COL9A2: variants seen among roughly 807,000 people sequenced by gnomAD.
COL9A2 encodes the protein collagen type IX alpha 2 chain, also known as collagen alpha-2(IX) chain.
A neutral mutation model predicts 111.6 loss-of-function variants in COL9A2; 66 were observed. The ratio of observed to expected loss-of-function variants is 0.59; its 90% confidence interval spans 0.48 to 0.73. COL9A2 has a LOEUF of 0.73. Ranked by LOEUF, COL9A2 falls within the 30% of genes least tolerant of loss-of-function variation. The pLI is 0.00. For synonymous variants in COL9A2, 353 were observed against 364.1 expected (o/e 0.97, Z 0.35); for missense variants, 881 against 954.1 (o/e 0.92, Z 1.01).
In COL9A2 at chr1:40,316,834, C is replaced by T; in HGVS notation, c.75+289G>A. The T allele has an allele frequency of 1.9e-6, 1 of 537,036 alleles. No homozygotes were observed. Among genetic ancestry groups the T allele is most frequent in the Non-Finnish European group, 3.4e-6 (1 of 296,946 alleles). 33.3% of individuals were successfully genotyped at this position (537,036 alleles called of 1,614,324 possible). Reference sequence around the variant, plus strand: ...TGTATGCCCCGCCACCTGGGCTCCCCGGGCTGCCAGGACCGGGCGCCAGCT... The same window carrying T: ...TGTATGCCCCGCCACCTGGGCTCCCTGGGCTGCCAGGACCGGGCGCCAGCT... On this transcript the variant is annotated intron_variant, in intron 1 of 31. Coordinates refer to ENST00000372748, the MANE Select transcript of COL9A2 (RefSeq NM_001852.4). This position sits in a 1 kb window ranked among gnomAD's most constrained non-coding sequence, Gnocchi z 5.5.
chr1:40,312,207 T>C lies in COL9A2; in HGVS notation c.364-95A>G. 8.5e-7 allele frequency: 1 copy of C among 1,178,566 alleles called. No homozygotes were observed. The highest frequency in any genetic ancestry group is 1.2e-6 in the Non-Finnish European group (1 of 835,342). 73.0% of individuals were successfully genotyped at this position (1,178,566 alleles called of 1,614,324 possible). On this transcript the variant is annotated intron_variant, in intron 7 of 31. Transcript: ENST00000372748. The surrounding 1 kb of genome is among the most constrained non-coding windows in gnomAD (Gnocchi z 6.0). ...AGGCACCCAAAGCCCGTTTCTCCAC[T>C]TTTACTTTTTTTTTTTTTTTGCCAA... is the stretch of plus-strand genomic sequence containing the variant.
chr1:40,301,150 G>C lies in COL9A2; in HGVS notation c.*32C>G. The C allele has an allele frequency of 6.2e-7, 1 of 1,610,994 alleles. No individual in the cohort carries two copies. The highest frequency in any genetic ancestry group is 1.7e-5 in the Admixed American group (1 of 60,002). On this transcript the variant is annotated 3_prime_UTR_variant, in exon 32 of 32. Coordinates refer to ENST00000372748, the MANE Select transcript of COL9A2 (RefSeq NM_001852.4). ...GAGGGGACCTGGTCCTTCCCGCCAG[G>C]ATGCCTGCCAGGCTCTGTCTGGGCC... is the stretch of plus-strand genomic sequence containing the variant.
Position 40,312,747 on chromosome 1 carries a change from C to G in COL9A2, c.287G>C (p.Gly96Ala). Residue 96 changes from glycine (G) to alanine (A), a missense_variant, in exon 5 of 32, where the codon GGG (glycine) becomes GCG (alanine). Physicochemically the swap from Gly to Ala is moderately conservative, Grantham distance 60. Transcript: ENST00000372748. The surrounding 1 kb of genome is among the most constrained non-coding windows in gnomAD (Gnocchi z 6.0). ...TGAKGEPGPM[G>A]IPGVKGQPGL... ...GCCCCTTACCTTGACTCCAGGGATCCCCATGGGGCCAGGCTCCCCCTTGGC... is the reference window on the plus strand; with the variant it reads ...GCCCCTTACCTTGACTCCAGGGATCGCCATGGGGCCAGGCTCCCCCTTGGC... The G allele has an allele frequency of 6.4e-7, 1 of 1,553,362 alleles. No homozygotes were observed. Among genetic ancestry groups the G allele is most frequent in the Non-Finnish European group, 8.7e-7 (1 of 1,147,802 alleles).
Position 40,311,418 on chromosome 1 carries a change from ACCC to A in COL9A2, c.519+79_519+81del. ...GCAGCCCCTCCCCATCTCTCCAGAC[ACCC>A]CCATCTCCGTGGCCCCGCCTCCCCA... is the stretch of plus-strand genomic sequence containing the variant. On this transcript the variant is annotated intron_variant, in intron 10 of 31. Transcript: ENST00000372748. This position sits in a 1 kb window ranked among gnomAD's most constrained non-coding sequence, Gnocchi z 5.1. The A allele has an allele frequency of 1.3e-6, 2 of 1,542,046 alleles. No individual in the cohort carries two copies.
At position 40,301,862 on chromosome 1, in the gene COL9A2, C is replaced by T; in HGVS notation, c.1820G>A (p.Gly607Glu). 6.2e-7 allele frequency: 1 copy of T among 1,614,136 alleles called. No homozygotes were observed. Among genetic ancestry groups the T allele is most frequent in the Non-Finnish European group, 8.5e-7 (1 of 1,180,004 alleles). ...CCCGGGGTGCCCCCGTCCCACTTCT[C>T]CTGGATCACCCTTCTCTCCACGTTT... is the stretch of plus-strand genomic sequence containing the variant. ...KGKRGEKGDP[G>E]EVGRGHPGMP... Residue 607 changes from glycine (G) to glutamate (E), a missense_variant, in exon 31 of 32, where the codon GGA becomes GAA. Coordinates refer to ENST00000372748, the MANE Select transcript of COL9A2 (RefSeq NM_001852.4).
At position 40,314,291 on chromosome 1, in the gene COL9A2, C is replaced by A; in HGVS notation, c.187-24G>T. The A allele has an allele frequency of 6.2e-7, 1 of 1,614,198 alleles. No homozygotes were observed. Among genetic ancestry groups the A allele is most frequent in the Non-Finnish European group, 8.5e-7 (1 of 1,180,036 alleles). ...CCCTTGAAAACAGAGATGGAACAAA[C>A]ATGAGCCAGAGGAGGGCAAGAGCAG... is the stretch of plus-strand genomic sequence containing the variant. On this transcript the variant is annotated intron_variant, in intron 3 of 31. Transcript: ENST00000372748. This position sits in a 1 kb window ranked among gnomAD's most constrained non-coding sequence, Gnocchi z 4.1.
At chr1:40,304,999 A>T (rs1171496649) in intron 21 of COL9A2, 152 bp from the exon 22 acceptor site, 2 of 524,212 alleles carry the variant, frequency 3.8e-6, no homozygotes, top group East Asian at 6.7e-5. Context: ...GGGTCCCTGT[A>T]GTTTTCTTTC....
Position 40,314,176 on chromosome 1 carries a change from C to T in COL9A2, c.249+29G>A, listed in dbSNP as rs1330832262. The T allele has an allele frequency of 2.5e-5, 40 of 1,612,038 alleles. No homozygotes were observed. The highest frequency in any genetic ancestry group is 3.3e-5 in the Non-Finnish European group (39 of 1,178,362). On this transcript the variant is annotated intron_variant, in intron 4 of 31. Coordinates refer to ENST00000372748, the MANE Select transcript of COL9A2 (RefSeq NM_001852.4). The surrounding 1 kb of genome is among the most constrained non-coding windows in gnomAD (Gnocchi z 4.1). The stretch of plus-strand genomic sequence containing the variant: ...TGGAGGTCAATTGGCAGAGCCCTAC[C>T]CTGCCCCACCCGACACTCAGCTACT...
chr1:40,309,593 CACAG>C (rs1442568344), intron 16 of COL9A2, among the ~76,000 whole-genome samples: 5 of 147,154 alleles, frequency 3.4e-5, no homozygotes, highest in African/African-American at 1.3e-4. Context: ...GGGCTCTTGG[CACAG>C]ATGGTCCTCC....
Position 40,316,795 on chromosome 1 carries a change from T to A in COL9A2, c.75+328A>T, listed in dbSNP as rs1644226468. 2.4e-6 allele frequency: 1 copy of A among 420,854 alleles called. No individual in the cohort carries two copies. The highest frequency in any genetic ancestry group is 4.3e-6 in the Non-Finnish European group (1 of 231,590). 26.1% of individuals were successfully genotyped at this position (420,854 alleles called of 1,614,324 possible). ...GCGGGGGCGGAGGCTGCGCAGCGGGTGAATGAGCACCATTGTATGCCCCGC... is the reference window on the plus strand; with the variant it reads ...GCGGGGGCGGAGGCTGCGCAGCGGGAGAATGAGCACCATTGTATGCCCCGC... On this transcript the variant is annotated intron_variant, in intron 1 of 31. Coordinates refer to ENST00000372748, the MANE Select transcript of COL9A2 (RefSeq NM_001852.4). The surrounding 1 kb of genome is among the most constrained non-coding windows in gnomAD (Gnocchi z 5.5).
rs1301283271 is a variant in COL9A2 at position 40,304,091 on chromosome 1, T to G, written c.1296A>C (p.Pro432=). ...LPGVKGDKGS[P]GKTGPRGKVG... is the part of the protein sequence containing the mutation. ...CTTTGCCGCGGGGCCCGGTCTTCCCTGGGGAGCCCTGGAGAAAGCGGGCAG... is the reference window on the plus strand; with the variant it reads ...CTTTGCCGCGGGGCCCGGTCTTCCCGGGGGAGCCCTGGAGAAAGCGGGCAG... Residue 432 remains proline (P), a synonymous_variant, in exon 25 of 32, where the codon CCA becomes CCC. Coordinates refer to ENST00000372748, the MANE Select transcript of COL9A2 (RefSeq NM_001852.4). 6.4e-7 allele frequency: 1 copy of G among 1,565,052 alleles called. No individual in the cohort carries two copies. Among genetic ancestry groups the G allele is most frequent in the Admixed American group, 1.9e-5 (1 of 52,724 alleles).
intron 23 of COL9A2, 27 bp downstream of exon 23, chr1:40,304,449 T>TGCCCACCTTAGCTGGCCTGC: frequency 6.2e-7 from 1 of 1,614,050 alleles, no homozygotes; most frequent in Non-Finnish European, 8.5e-7. Flanking sequence ...TATGACGCCC[T>TGCCCACCTTAGCTGGCCTGC]GCCCACCTTA....
At position 40,316,400 on chromosome 1, in the gene COL9A2, G is replaced by T. The variant is rs1012772310; in HGVS notation, c.75+723C>A. Among the ~76,000 whole-genome samples, 1 of 152,214 alleles carries T rather than the reference G, an allele frequency of 6.6e-6. No homozygotes were observed. Among genetic ancestry groups the T allele is most frequent in the African/African-American group, 2.4e-5 (1 of 41,464 alleles). Reference sequence around the variant, plus strand: ...CCTGCAATTCAATGCCCCTGGGTGGGTGTGAGGTTTCAGGGAGGTCACAAG... The same window carrying T: ...CCTGCAATTCAATGCCCCTGGGTGGTTGTGAGGTTTCAGGGAGGTCACAAG... On this transcript the variant is annotated intron_variant, in intron 1 of 31. Transcript: ENST00000372748. This position sits in a 1 kb window ranked among gnomAD's most constrained non-coding sequence, Gnocchi z 5.5.
Position 40,303,692 on chromosome 1 carries a change from G to A in COL9A2, c.1402-16C>T. 1 of 1,551,618 alleles carries A rather than the reference G, an allele frequency of 6.4e-7. No individual in the cohort carries two copies. Among genetic ancestry groups the A allele is most frequent in the Non-Finnish European group, 8.7e-7 (1 of 1,147,922 alleles). ...GTACTCCTTGCTGCGGGGGGATGGG[G>A]GTGGGAGCAGAGCCGGGTGAGAAGG... On this transcript the variant is annotated splice_polypyrimidine_tract_variant and intron_variant, in intron 27 of 31. Transcript: ENST00000372748. This position sits in a 1 kb window ranked among gnomAD's most constrained non-coding sequence, Gnocchi z 4.6.
Position 40,308,230 on chromosome 1 carries a change from G to T in COL9A2, c.862C>A (p.Arg288Ser). Residue 288 changes from arginine to serine, a missense_variant, in exon 17 of 32, where the codon CGT becomes AGT. Coordinates refer to ENST00000372748, the MANE Select transcript of COL9A2 (RefSeq NM_001852.4). ...GGGCCTGTGATCCCCTGGGGTCCAC[G>T]AATACCTGGGCTGCCCTGCAAAGCG... Reference protein sequence around the residue: ...EKGDEGSPGIRGPQGITGPKG... With the variant: ...EKGDEGSPGISGPQGITGPKG... The T allele has an allele frequency of 6.2e-7, 1 of 1,614,058 alleles. No homozygotes were observed. The highest frequency in any genetic ancestry group is 1.7e-4 in the Middle Eastern group (1 of 6,046).
intron 16 of COL9A2, among the ~76,000 whole-genome samples, chr1:40,309,220 A>G (rs1644077464): frequency 6.6e-6 from 1 of 152,200 alleles, no homozygotes; most frequent in South Asian, 2.1e-4. Flanking sequence ...AGCCTGGGCA[A>G]CAAGAATAAA....
At chr1:40,309,293 A>G (rs1031753766) in intron 16 of COL9A2, among the ~76,000 whole-genome samples, 7 of 152,184 alleles carry the variant, frequency 4.6e-5, no homozygotes, top group Non-Finnish European at 1.0e-4. Context: ...TAATAGAAAA[A>G]TAAAAGTATA....
rs567557049 is a variant in COL9A2 at position 40,311,061 on chromosome 1, C to T, written c.630+32G>A. On this transcript the variant is annotated intron_variant, in intron 12 of 31. Coordinates refer to ENST00000372748, the MANE Select transcript of COL9A2 (RefSeq NM_001852.4). The surrounding 1 kb of genome is among the most constrained non-coding windows in gnomAD (Gnocchi z 5.1). ...CCCTGTAGGACCATCTCCACGTATC[C>T]CTGACCCACAGCCCTCAGCCCTTGC... 1.2e-4 allele frequency: 198 copies of T among 1,613,176 alleles called. 1 individual carries two copies. The highest frequency in any genetic ancestry group is 1.6e-4 in the Non-Finnish European group (192 of 1,179,608).
Position 40,312,212 on chromosome 1 carries a change from C to A in COL9A2, c.364-100G>T. ...CCCAAAGCCCGTTTCTCCACTTTTACTTTTTTTTTTTTTTTGCCAACCCCA... is the reference window on the plus strand; with the variant it reads ...CCCAAAGCCCGTTTCTCCACTTTTAATTTTTTTTTTTTTTTGCCAACCCCA... On this transcript the variant is annotated intron_variant, in intron 7 of 31. Transcript: ENST00000372748. The surrounding 1 kb of genome is among the most constrained non-coding windows in gnomAD (Gnocchi z 6.0). The A allele has an allele frequency of 6.5e-6, 6 of 926,232 alleles. No homozygotes were observed. Among genetic ancestry groups the A allele is most frequent in the African/African-American group, 1.8e-5 (1 of 55,098 alleles). 57.4% of individuals were successfully genotyped at this position (926,232 alleles called of 1,614,324 possible).
Sources: gnomAD v4.1 joint callset for allele counts (sites outside exome capture counted in the v4.1 genomes callset) on GRCh38, gnomAD v4.1.1 for gene constraint, Gnocchi (gnomAD v3.1) non-coding constraint, MANE v1.5 for transcripts, NCBI Gene and HGNC (gene_info 2026-07-23, HGNC 2026-07-21) for gene names.